Variants in MRPS28 observed in about 807,000 individuals in gnomAD.
MRPS28 encodes mitochondrial ribosomal protein S28.
A neutral mutation model predicts 10.8 loss-of-function variants in MRPS28; 7 were observed. The ratio of observed to expected loss-of-function variants is 0.65; its 90% confidence interval spans 0.37 to 1.22. The LOEUF (loss-of-function observed/expected upper bound fraction) is 1.22. Ranked by LOEUF, MRPS28 falls within the 50% of genes most tolerant of loss-of-function variation. The pLI is 0.02. For synonymous variants in MRPS28, 121 were observed against 93.3 expected (o/e 1.30, Z -1.71); for missense variants, 265 against 232.9 (o/e 1.14, Z -0.90).
intron 2 of MRPS28, among the ~76,000 whole-genome samples, chr8:79,920,367 C>G (rs1487819920): frequency 3.3e-5 from 5 of 152,312 alleles, no homozygotes. Flanking sequence ...AATTGCCACA[C>G]TGTCTTCCAC....
At chr8:79,980,256 T>C (rs1246555858) in intron 2 of MRPS28, among the ~76,000 whole-genome samples, 1 of 152,170 alleles carries the variant, frequency 6.6e-6, no homozygotes, top group East Asian at 1.9e-4. Flanking sequence ...GTTAAGCAAC[T>C]TGCCTAAGAT....
intron 2 of MRPS28, among the ~76,000 whole-genome samples, chr8:79,924,462 G>A (rs182420851): frequency 3.9e-5 from 6 of 152,294 alleles, no homozygotes; most frequent in Admixed American, 3.9e-4. Context: ...GTAGGAATGT[G>A]TGTGTATTTT....
In MRPS28 at chr8:79,927,280, C is replaced by T. The variant is rs79506085; in HGVS notation, c.396-8132G>A. ...AAAAGACGTAAGATTTTCAAAATCACTAGCACAATGCTCGAGAACATAACA... is the reference window on the plus strand; with the variant it reads ...AAAAGACGTAAGATTTTCAAAATCATTAGCACAATGCTCGAGAACATAACA... On this transcript the variant is annotated intron_variant, in intron 2 of 2. Coordinates refer to ENST00000276585, the MANE Select transcript of MRPS28 (RefSeq NM_014018.3). Among the ~76,000 whole-genome samples, 1,272 of 152,302 alleles carry T rather than the reference C, an allele frequency of 8.4e-3. 14 individuals carry two copies. The highest frequency in any genetic ancestry group is 0.028 in the African/African-American group (1,182 of 41,548).
At chr8:79,955,896 A>G (rs772604345) in intron 2 of MRPS28, among the ~76,000 whole-genome samples, 9 of 152,160 alleles carry the variant, frequency 5.9e-5, no homozygotes, top group Non-Finnish European at 1.3e-4. Context: ...TGTTTCCGAA[A>G]ACTAAGAATA....
At chr8:79,967,648 T>G (rs1423529889) in intron 2 of MRPS28, among the ~76,000 whole-genome samples, 1 of 152,316 alleles carries the variant, frequency 6.6e-6, no homozygotes, top group South Asian at 2.1e-4. Flanking sequence ...CTATGCCTGT[T>G]AGACAGGTGT....
intron 2 of MRPS28, among the ~76,000 whole-genome samples, chr8:79,980,725 G>C (rs1257547344): frequency 6.6e-6 from 1 of 152,172 alleles, no homozygotes; most frequent in Non-Finnish European, 1.5e-5. Flanking sequence ...AGTATTTATT[G>C]TGAACTTATA....
At chr8:79,929,387 C>A (rs192915837) in intron 2 of MRPS28, among the ~76,000 whole-genome samples, 3 of 152,226 alleles carry the variant, frequency 2.0e-5, no homozygotes, top group South Asian at 2.1e-4. Context: ...ACTACTGTGA[C>A]CTGCTCCGTG....
chr8:79,972,170 AAAATT>A (rs1807651567), intron 2 of MRPS28, among the ~76,000 whole-genome samples: 1 of 152,240 alleles, frequency 6.6e-6, no homozygotes, highest in African/African-American at 2.4e-5. Flanking sequence ...AAATATAAAT[AAAATT>A]ATCTGCATAG....
At position 80,001,980 on chromosome 8, in the gene MRPS28, A is replaced by AAT. The variant is rs1808670155; in HGVS notation, c.395+1018_395+1019insAT. The stretch of plus-strand genomic sequence containing the variant: ...TTTTTTTTTTAATCAACTAGTTGTT[A>AAT]AATATTTACTCATATATCATTAATC... On this transcript the variant is annotated intron_variant, in intron 2 of 2. Coordinates refer to ENST00000276585, the MANE Select transcript of MRPS28 (RefSeq NM_014018.3). 2.0e-5 allele frequency among the ~76,000 whole-genome samples: 3 copies of AAT among 152,084 alleles called. No homozygotes were observed. In the South Asian group the frequency reaches 6.2e-4, roughly 32 times the overall value.
chr8:79,945,099 T>C (rs1260353523), intron 2 of MRPS28, among the ~76,000 whole-genome samples: 1 of 152,184 alleles, frequency 6.6e-6, no homozygotes, highest in African/African-American at 2.4e-5. Flanking sequence ...CATAGGAACA[T>C]ATGACTTTAC....
At chr8:79,936,681 A>G (rs752756362) in intron 2 of MRPS28, among the ~76,000 whole-genome samples, 34 of 152,230 alleles carry the variant, frequency 2.2e-4, no homozygotes, top group Non-Finnish European at 4.0e-4. Context: ...ATGTAACAAA[A>G]TGTTCACTAT....
In MRPS28 at chr8:79,986,878, C is replaced by T. The variant is rs1413703639; in HGVS notation, c.395+16121G>A. ...AGGTAATTTATAGATTCAATGCCATCCCCATCAAGCTACCGATGACTTTCT... is the reference window on the plus strand; with the variant it reads ...AGGTAATTTATAGATTCAATGCCATTCCCATCAAGCTACCGATGACTTTCT... On this transcript the variant is annotated intron_variant, in intron 2 of 2. Transcript: ENST00000276585. Among the ~76,000 whole-genome samples the T allele has an allele frequency of 3.9e-5, 6 of 152,186 alleles. No individual in the cohort carries two copies. In the South Asian group the frequency reaches 1.0e-3, roughly 26 times the overall value.
At chr8:79,972,471 C>T (rs966128460) in intron 2 of MRPS28, among the ~76,000 whole-genome samples, 1 of 152,092 alleles carries the variant, frequency 6.6e-6, no homozygotes, top group African/African-American at 2.4e-5. Flanking sequence ...GTTTTTGAGT[C>T]GACATCTGAT....
Position 80,000,615 on chromosome 8 carries a change from A to C in MRPS28, c.395+2384T>G, listed in dbSNP as rs543769677. Among the ~76,000 whole-genome samples, 4 of 152,370 alleles carry C rather than the reference A, an allele frequency of 2.6e-5. No individual in the cohort carries two copies. In the South Asian group the frequency reaches 8.3e-4, roughly 32 times the overall value. Reference sequence around the variant, plus strand: ...TTTAAATAAAAAATTAAGATTTAATAAATGTTGTAATAGATGCCAGTATTT... The same window carrying C: ...TTTAAATAAAAAATTAAGATTTAATCAATGTTGTAATAGATGCCAGTATTT... On this transcript the variant is annotated intron_variant, in intron 2 of 2. Coordinates refer to ENST00000276585, the MANE Select transcript of MRPS28 (RefSeq NM_014018.3).
chr8:80,021,595 G>C (rs1809367075), intron 1 of MRPS28, among the ~76,000 whole-genome samples: 1 of 152,138 alleles, frequency 6.6e-6, no homozygotes, highest in Non-Finnish European at 1.5e-5. Flanking sequence ...AAGGTATGCA[G>C]GTAGGCATGT....
intron 2 of MRPS28, among the ~76,000 whole-genome samples, chr8:79,983,571 G>C (rs1419261885): frequency 1.3e-5 from 2 of 152,200 alleles, no homozygotes; most frequent in Non-Finnish European, 2.9e-5. Flanking sequence ...ATACAGAGAA[G>C]TGCTTAAAGG....
intron 2 of MRPS28, among the ~76,000 whole-genome samples, chr8:79,996,553 TCCCACTCAC>T (rs1436995803): frequency 6.6e-6 from 1 of 152,184 alleles, no homozygotes; most frequent in African/African-American, 2.4e-5. Context: ...AGTTCACTAA[TCCCACTCAC>T]GAGGGCAGAA....
Position 79,918,892 on chromosome 8 carries a change from T to G in MRPS28, c.*88A>C, listed in dbSNP as rs1809995947. On this transcript the variant is annotated 3_prime_UTR_variant, in exon 3 of 3. Transcript: ENST00000276585. ...ATAGCTTTTATTTATTATATCTTCA[T>G]TCAATCATTTATTCACAATTAGTCT... is the stretch of plus-strand genomic sequence containing the variant. The G allele has an allele frequency of 9.1e-7, 1 of 1,099,586 alleles. No homozygotes were observed. The highest frequency in any genetic ancestry group is 2.6e-5 in the South Asian group (1 of 38,710). 68.1% of individuals were successfully genotyped at this position (1,099,586 alleles called of 1,614,324 possible).
intron 2 of MRPS28, among the ~76,000 whole-genome samples, chr8:79,926,005 A>G (rs996358826): frequency 3.3e-5 from 5 of 151,944 alleles, no homozygotes; most frequent in Non-Finnish European, 7.4e-5. Context: ...AAGAAAAAAA[A>G]AAAAGAAAAA....
Sources: allele counts gnomAD v4.1 joint callset (sites outside exome capture counted in the v4.1 genomes callset), GRCh38; gene constraint gnomAD v4.1.1; transcripts MANE v1.5; gene names NCBI Gene and HGNC (gene_info 2026-07-23, HGNC 2026-07-21).